The following TSPAN7 variants were observed in gnomAD, a reference collection of about 807,000 sequenced individuals.
The protein encoded by TSPAN7 is tetraspanin 7.
A neutral mutation model predicts 17.6 loss-of-function variants in TSPAN7; 1 was observed. That is an observed-to-expected ratio of 0.06 (90% CI 0.02 to 0.27). The LOEUF is 0.27. TSPAN7 is among the 10% of genes least tolerant of loss of function. TSPAN7 has a pLI of 1.00. For synonymous variants in TSPAN7, 78 were observed against 79.0 expected (o/e 0.99, Z 0.07); for missense variants, 112 against 201.7 (o/e 0.56, Z 2.69).
chrX:38,588,897 T>G (rs764284918), intron 1 of TSPAN7, among the ~76,000 whole-genome samples: 3 of 111,611 alleles, frequency 2.7e-5, no homozygotes, highest in South Asian at 7.5e-4. Context: ...GATCCCAGTT[T>G]ATCATTGTAA....
intron 3 of TSPAN7, among the ~76,000 whole-genome samples, chrX:38,671,791 C>G (rs67468569): frequency 9.0e-6 from 1 of 111,155 alleles, no homozygotes; most frequent in Admixed American, 9.6e-5. Flanking sequence ...ATCTGCAATA[C>G]CAGAGCTTTG....
intron 1 of TSPAN7, among the ~76,000 whole-genome samples, chrX:38,617,890 A>C (rs1177886611): frequency 8.9e-6 from 1 of 112,073 alleles, no homozygotes; most frequent in Non-Finnish European, 1.9e-5. Flanking sequence ...TACTGGGAAA[A>C]ACAGCCTCAT....
intron 1 of TSPAN7, among the ~76,000 whole-genome samples, chrX:38,639,985 A>G (rs2069603458): frequency 9.0e-6 from 1 of 111,672 alleles, no homozygotes; most frequent in African/African-American, 3.3e-5. Flanking sequence ...ATGAGATAGG[A>G]TTTTAAAAAA....
At chrX:38,581,879 A>G (rs751985552) in intron 1 of TSPAN7, among the ~76,000 whole-genome samples, 15 of 112,496 alleles carry the variant, frequency 1.3e-4, no homozygotes, top group Admixed American at 9.4e-5. Context: ...AAGCTGCTGG[A>G]GATGCAGGGT....
chrX:38,643,623 T>G (rs1257651659), intron 1 of TSPAN7, among the ~76,000 whole-genome samples: 2 of 97,099 alleles, frequency 2.1e-5, no homozygotes. Flanking sequence ...GATCATGAGG[T>G]CAGGAGATCA....
intron 1 of TSPAN7, among the ~76,000 whole-genome samples, chrX:38,588,811 G>A (rs901748759): frequency 8.9e-6 from 1 of 111,755 alleles, no homozygotes; most frequent in African/African-American, 3.3e-5. Flanking sequence ...TCGAGTTCCA[G>A]AAGTGAGTGT....
chrX:38,628,553 C>G (rs767893574), intron 1 of TSPAN7, among the ~76,000 whole-genome samples: 17 of 111,446 alleles, frequency 1.5e-4, no homozygotes, highest in Middle Eastern at 9.2e-3. Context: ...CAATAAATAT[C>G]TCTGCATGCA....
intron 5 of TSPAN7, 102 bp downstream of exon 5, chrX:38,675,962 A>G: frequency 1.0e-5 from 10 of 1,003,875 alleles, no homozygotes; most frequent in African/African-American, 1.9e-5. Context: ...ATAGTAGTCA[A>G]GGGAAAGAGA....
At chrX:38,600,327 A>G (rs1178380043) in intron 1 of TSPAN7, among the ~76,000 whole-genome samples, 1 of 111,713 alleles carries the variant, frequency 9.0e-6, no homozygotes, top group Non-Finnish European at 1.9e-5. Flanking sequence ...CCAGCTGGAA[A>G]GCCTAAACAT....
rs187050781 is a variant in TSPAN7, at chrX:38,640,315, C to T, written c.82-25806C>T. On this transcript the variant is annotated intron_variant, in intron 1 of 7. Transcript: ENST00000378482. Reference sequence around the variant, plus strand: ...TGCTTCTCCTGGCTTCTTCCTCACCCGCTTTCAAAACTCATAAATAGCATA... The same window carrying T: ...TGCTTCTCCTGGCTTCTTCCTCACCTGCTTTCAAAACTCATAAATAGCATA... Among the ~76,000 whole-genome samples the T allele has an allele frequency of 4.0e-3, 445 of 111,628 alleles. 5 individuals carry two copies. The highest frequency in any genetic ancestry group is 0.014 in the African/African-American group (430 of 30,707).
chrX:38,587,154 G>C (rs1383049200), intron 1 of TSPAN7, among the ~76,000 whole-genome samples: 1 of 112,264 alleles, frequency 8.9e-6, no homozygotes, highest in Non-Finnish European at 1.9e-5. Flanking sequence ...ACAATGCTCA[G>C]GATGGCCCTG....
chrX:38,563,089 AC>A, intron 1 of TSPAN7: 1 of 971,310 alleles, frequency 1.0e-6, no homozygotes, highest in Admixed American at 3.0e-5. Flanking sequence ...TTCCTAATGC[AC>A]CCGGACATTT....
intron 1 of TSPAN7, among the ~76,000 whole-genome samples, chrX:38,580,521 T>C (rs1325992972): frequency 9.0e-6 from 1 of 111,639 alleles, no homozygotes; most frequent in Non-Finnish European, 1.9e-5. Context: ...GTGTGGTCCA[T>C]GTGGAGCAAA....
intron 1 of TSPAN7, chrX:38,566,440 A>G: frequency 1.6e-6 from 1 of 612,318 alleles, no homozygotes; most frequent in Non-Finnish European, 2.1e-6. Flanking sequence ...TCCTTAATGA[A>G]TGAATGAATT....
intron 1 of TSPAN7, among the ~76,000 whole-genome samples, chrX:38,617,280 A>G (rs1422069425): frequency 8.9e-6 from 1 of 112,777 alleles, no homozygotes; most frequent in African/African-American, 3.2e-5. Context: ...AAGGATGAAC[A>G]TGTTTTAAAG....
chrX:38,653,333 G>A (rs185886905), intron 1 of TSPAN7, among the ~76,000 whole-genome samples: 123 of 111,319 alleles, frequency 1.1e-3, no homozygotes, highest in African/African-American at 3.7e-3. Context: ...GATACGATGC[G>A]GTTGCCTTAT....
chrX:38,605,192 G>A (rs936245376), intron 1 of TSPAN7, among the ~76,000 whole-genome samples: 2 of 110,388 alleles, frequency 1.8e-5, no homozygotes, highest in African/African-American at 6.6e-5. Flanking sequence ...TCCTTAAGCT[G>A]ATAAGCAACT....
At chrX:38,676,000 T>TCTCCCAGGCAATCAA in intron 5 of TSPAN7, 140 bp downstream of exon 5, 5 of 779,517 alleles carry the variant, frequency 6.4e-6, no homozygotes, top group Non-Finnish European at 7.5e-6. Flanking sequence ...CTTGATTGCC[T>TCTCCCAGGCAATCAA]GGGAGAGGCA....
intron 1 of TSPAN7, among the ~76,000 whole-genome samples, chrX:38,608,686 G>A (rs772303438): frequency 1.8e-5 from 2 of 110,681 alleles, no homozygotes; most frequent in South Asian, 7.7e-4. Flanking sequence ...ATACATAATT[G>A]AATAATTAAA....
Sources: allele counts gnomAD v4.1 joint callset (sites outside exome capture counted in the v4.1 genomes callset), GRCh38; gene constraint gnomAD v4.1.1; transcripts MANE v1.5; gene names NCBI Gene and HGNC (gene_info 2026-07-23, HGNC 2026-07-21).